Variants in TXNRD2 observed in about 807,000 individuals in gnomAD.
The protein encoded by TXNRD2 is thioredoxin reductase 2, also known as thioredoxin reductase 2, mitochondrial.
A neutral mutation model predicts 70.8 loss-of-function variants in TXNRD2; 67 were observed. The ratio of observed to expected loss-of-function variants is 0.95; its 90% CI spans 0.78 to 1.16. The LOEUF is 1.16. Among genes scored for constraint, TXNRD2 ranks in the 50% most tolerant of loss-of-function variants. The pLI is 0.00. For missense variants in TXNRD2, 644 were observed against 719.9 expected (o/e 0.89, Z 1.21); for synonymous variants, 301 against 295.8 (o/e 1.02, Z -0.18).
intron 8 of TXNRD2, among the ~76,000 whole-genome samples, chr22:19,909,689 A>C (rs1940259315): frequency 7.5e-6 from 1 of 133,958 alleles, no homozygotes; most frequent in African/African-American, 2.9e-5. Context: ...CTACTCACAC[A>C]CACTGCTCAC....
chr22:19,931,281 G>C (rs2146090919), intron 1 of TXNRD2, among the ~76,000 whole-genome samples, 183 bp from the exon 2 acceptor site: 1 of 152,336 alleles, frequency 6.6e-6, no homozygotes, highest in East Asian at 1.9e-4. Flanking sequence ...AAGCCATATG[G>C]TGGTGAGGTT....
chr22:19,940,256 A>AC (rs1941662569), intron 1 of TXNRD2, among the ~76,000 whole-genome samples: 1 of 151,364 alleles, frequency 6.6e-6, no homozygotes, highest in Non-Finnish European at 1.5e-5. Flanking sequence ...AAAAAAAAAA[A>AC]AAAAAAAAAA....
At position 19,916,025 on chromosome 22, in the gene TXNRD2, C is replaced by T. The variant is rs143966513; in HGVS notation, c.450-182G>A. ...GAAGCATGGAGGGGATGTGGGGGCA[C>T]CTCGCCTGTCCCCCAGGGATCCCAG... On this transcript the variant is annotated intron_variant, in intron 5 of 17. Coordinates refer to ENST00000400521, the MANE Select transcript of TXNRD2 (RefSeq NM_006440.5). The T allele has an allele frequency of 2.7e-3, 1,652 of 611,768 alleles. 6 individuals carry two copies. The highest frequency in any genetic ancestry group is 4.1e-3 in the Non-Finnish European group (1,386 of 340,518). The allele number at this position is 611,768 out of a possible 1,614,324, so 37.9% of individuals were successfully genotyped here. A position where few individuals can be genotyped will look rare whatever the true frequency, so the allele number is the denominator to read the frequency against.
chr22:19,923,727 G>A (rs756638605), intron 2 of TXNRD2, among the ~76,000 whole-genome samples: 17 of 152,086 alleles, frequency 1.1e-4, no homozygotes, highest in Middle Eastern at 6.8e-3. Context: ...GCTTGAACCC[G>A]GGAGGCAGAG....
chr22:19,880,542 A>G, intron 13 of TXNRD2, 80 bp downstream of exon 13: 1 of 1,329,052 alleles, frequency 7.5e-7, no homozygotes, highest in Non-Finnish European at 1.1e-6. Context: ...CACAGCGCAC[A>G]AAGGCCCCTC....
chr22:19,903,495 C>T (rs915300984), intron 8 of TXNRD2, among the ~76,000 whole-genome samples: 3 of 152,206 alleles, frequency 2.0e-5, no homozygotes, highest in Non-Finnish European at 2.9e-5. Context: ...AGCCCAGGGC[C>T]GTGGGTGTGC....
intron 7 of TXNRD2, among the ~76,000 whole-genome samples, chr22:19,912,887 G>A (rs1016071016): frequency 3.9e-5 from 6 of 152,198 alleles, no homozygotes; most frequent in African/African-American, 1.4e-4. Context: ...CATCCAAGAA[G>A]TGGCAGAACC....
In TXNRD2 at chr22:19,898,178, G is replaced by A. The variant is rs187294993; in HGVS notation, c.683-48C>T. 3.0e-4 allele frequency: 454 copies of A among 1,514,830 alleles called. No individual in the cohort carries two copies. In the African/African-American group the frequency reaches 5.6e-3, roughly 19 times the overall value. The allele number at this position is 1,514,830 out of a possible 1,614,324, so 93.8% of individuals were successfully genotyped here. A position where few individuals can be genotyped will look rare whatever the true frequency, so the allele number is the denominator to read the frequency against. On this transcript the variant is annotated intron_variant, in intron 9 of 17. Coordinates refer to ENST00000400521, the MANE Select transcript of TXNRD2 (RefSeq NM_006440.5). ...CACTGTAGATCCCAATTTTGGAAAT[G>A]ATGGGACAACACCCCAGGGCCCTGT...
At chr22:19,911,116 A>G in intron 8 of TXNRD2, 1 of 543,350 alleles carries the variant, frequency 1.8e-6, no homozygotes, top group Non-Finnish European at 3.3e-6. Flanking sequence ...ATTTTTGTAG[A>G]GTAGAGGTCT....
At chr22:19,883,228 G>A (rs1009369376) in intron 12 of TXNRD2, 97 bp downstream of exon 12, 64 of 1,471,288 alleles carry the variant, frequency 4.3e-5, no homozygotes, top group Admixed American at 3.0e-4. Context: ...AGAAAGTGTC[G>A]TTTCTCTCCT....
chr22:19,897,996 G>T (rs1601414021), intron 10 of TXNRD2, 43 bp downstream of exon 10: 2 of 1,509,800 alleles, frequency 1.3e-6, no homozygotes, highest in Non-Finnish European at 1.8e-6. Context: ...TGGGAGGAAG[G>T]CCTCAGAGCC....
chr22:19,919,725 CAGTGGCTG>C, intron 2 of TXNRD2, 126 bp from the exon 3 acceptor site: 1 of 774,756 alleles, frequency 1.3e-6, no homozygotes, highest in Non-Finnish European at 2.0e-6. Context: ...GCTGCCCACA[CAGTGGCTG>C]AGCTGCGCAA....
rs1941394721 is a variant in TXNRD2, at chr22:19,932,287, C to T, written c.104-1189G>A. 7 of 1,611,440 alleles carry T rather than the reference C, an allele frequency of 4.3e-6. No individual in the cohort carries two copies. In the South Asian group the frequency reaches 7.7e-5, roughly 18 times the overall value. On this transcript the variant is annotated intron_variant, in intron 1 of 17. Transcript: ENST00000400521. ...GCTAGGAGGGAAGCCACCCTGGGCACAGGGAGAGCTGCCTGGGCTCAGGTT... is the reference window on the plus strand; with the variant it reads ...GCTAGGAGGGAAGCCACCCTGGGCATAGGGAGAGCTGCCTGGGCTCAGGTT...
In TXNRD2 at chr22:19,898,019, G is replaced by A. The variant is rs1339529214; in HGVS notation, c.774+20C>T. On this transcript the variant is annotated intron_variant, in intron 10 of 17. Transcript: ENST00000400521. ...AGGCCTCAGAGCCACAGGGGCGGGA[G>A]CTGGGGCCTCCAGCACTACCTGGTC... The A allele has an allele frequency of 1.3e-6, 2 of 1,546,754 alleles. No individual in the cohort carries two copies. The highest frequency in any genetic ancestry group is 2.4e-5 in the East Asian group (1 of 40,980).
intron 14 of TXNRD2, among the ~76,000 whole-genome samples, chr22:19,879,359 C>T (rs977344623): frequency 7.2e-5 from 11 of 152,096 alleles, no homozygotes; most frequent in East Asian, 1.9e-4. Flanking sequence ...GAAACCGCAC[C>T]GAAGGCTTCC....
At chr22:19,903,549 C>T (rs1051677831) in intron 8 of TXNRD2, among the ~76,000 whole-genome samples, 8 of 152,208 alleles carry the variant, frequency 5.3e-5, no homozygotes, top group African/African-American at 1.7e-4. Context: ...AAGTCCCTGC[C>T]GGGTGCGGAG....
At chr22:19,923,036 G>C (rs1327843757) in intron 2 of TXNRD2, among the ~76,000 whole-genome samples, 9 of 152,070 alleles carry the variant, frequency 5.9e-5, no homozygotes, top group Non-Finnish European at 2.9e-5. Context: ...TGAAGTTTGA[G>C]TCTCCTTCAT....
intron 2 of TXNRD2, among the ~76,000 whole-genome samples, chr22:19,929,374 A>T (rs1941275723): frequency 2.7e-5 from 4 of 150,378 alleles, no homozygotes; most frequent in Admixed American, 2.6e-4. Flanking sequence ...CAGTGGCCAC[A>T]CTTGTAATAG....
chr22:19,900,680 G>A lies in TXNRD2; in HGVS notation c.663-1612C>T, dbSNP rs564120082. ...CAGGAGAATGGTGTAAACCCAGGAGGTGGAGCTTGCAGTGAGCCAAGATCG... is the reference window on the plus strand; with the variant it reads ...CAGGAGAATGGTGTAAACCCAGGAGATGGAGCTTGCAGTGAGCCAAGATCG... On this transcript the variant is annotated intron_variant, in intron 8 of 17. Transcript: ENST00000400521. 1.4e-3 allele frequency among the ~76,000 whole-genome samples: 210 copies of A among 152,176 alleles called. 1 individual carries two copies. The highest frequency in any genetic ancestry group is 1.2e-3 in the Non-Finnish European group (82 of 68,000).
Sources: allele counts gnomAD v4.1 joint callset (sites outside exome capture counted in the v4.1 genomes callset), GRCh38; gene constraint gnomAD v4.1.1; transcripts MANE v1.5; gene names NCBI Gene and HGNC (gene_info 2026-07-23, HGNC 2026-07-21).